The following MAGI2 variants were observed in gnomAD, a reference collection of about 807,000 sequenced individuals.
MAGI2 encodes the protein membrane-associated guanylate kinase, WW and PDZ domain-containing protein 2.
Under a neutral mutation model 133.3 loss-of-function variants are expected in MAGI2, and 35 were observed. The ratio of observed to expected loss-of-function variants is 0.26; its 90% CI spans 0.20 to 0.35. MAGI2 has a LOEUF of 0.35. Ranked by LOEUF, MAGI2 falls within the 10% of genes least tolerant of loss-of-function variation. The pLI is 1.00. For synonymous variants in MAGI2, 729 were observed against 710.6 expected (o/e 1.03, Z -0.41); for missense variants, 1,636 against 1,863.4 (o/e 0.88, Z 2.25).
chr7:78,138,625 TCACACA>T (rs202115434), intron 16 of MAGI2, among the ~76,000 whole-genome samples: 10,559 of 129,406 alleles, frequency 0.082, 513 homozygotes, highest in Non-Finnish European at 0.1. Context: ...AAACATAGAT[TCACACA>T]CACACACACA....
chr7:78,381,478 A>G (rs541874564), intron 6 of MAGI2, among the ~76,000 whole-genome samples: 1 of 152,160 alleles, frequency 6.6e-6, no homozygotes, highest in Non-Finnish European at 1.5e-5. Context: ...ACAGAAAAGA[A>G]TATCTTCTAT....
chr7:79,060,599 C>T (rs1009392273), intron 1 of MAGI2, among the ~76,000 whole-genome samples: 3 of 152,106 alleles, frequency 2.0e-5, no homozygotes, highest in Non-Finnish European at 4.4e-5. Context: ...TAAGAGGAAG[C>T]GTAAGTCAGG....
intron 21 of MAGI2, among the ~76,000 whole-genome samples, chr7:78,039,151 C>A (rs1810540645): frequency 6.6e-6 from 1 of 152,124 alleles, no homozygotes; most frequent in Admixed American, 6.6e-5. Context: ...AGCCAAGTAC[C>A]TGGCCCTTCC....
At chr7:78,355,328 A>G (rs1242175128) in intron 7 of MAGI2, among the ~76,000 whole-genome samples, 1 of 152,218 alleles carries the variant, frequency 6.6e-6, no homozygotes, top group Admixed American at 6.5e-5. Context: ...TTTAAAGTTA[A>G]TTCCAATTCA....
intron 9 of MAGI2, among the ~76,000 whole-genome samples, chr7:78,330,615 CAAAAAA>C (rs4024122): frequency 4.3e-4 from 3 of 6,936 alleles, no homozygotes; most frequent in African/African-American, 7.2e-4. Context: ...GACTCCGTCT[CAAAAAA>C]AAAAAAAAAA....
intron 1 of MAGI2, among the ~76,000 whole-genome samples, chr7:79,210,194 A>T (rs1829390276): frequency 6.6e-6 from 1 of 152,098 alleles, no homozygotes; most frequent in African/African-American, 2.4e-5. Context: ...ACAAAGAAAA[A>T]ATGGATGAGT....
At chr7:79,014,730 C>A (rs1217197326) in intron 1 of MAGI2, among the ~76,000 whole-genome samples, 1 of 151,870 alleles carries the variant, frequency 6.6e-6, no homozygotes, top group Admixed American at 6.6e-5. Flanking sequence ...GGTTAATAAA[C>A]CTCATAGGTA....
chr7:78,136,744 A>G (rs1822181073), intron 16 of MAGI2, among the ~76,000 whole-genome samples: 1 of 152,220 alleles, frequency 6.6e-6, no homozygotes, highest in Admixed American at 6.5e-5. Flanking sequence ...ACCATTCAGT[A>G]TGTTTCAGGG....
chr7:78,857,687 T>C (rs1445161452), intron 2 of MAGI2, among the ~76,000 whole-genome samples: 1 of 152,236 alleles, frequency 6.6e-6, no homozygotes, highest in African/African-American at 2.4e-5. Flanking sequence ...ACATCGATGT[T>C]CATCAGGGAT....
intron 21 of MAGI2, among the ~76,000 whole-genome samples, chr7:78,034,580 T>G (rs937205538): frequency 2.0e-5 from 3 of 152,124 alleles, no homozygotes; most frequent in Non-Finnish European, 4.4e-5. Context: ...CAGGCTGGAG[T>G]GCAGTAGCGT....
chr7:78,551,350 TG>T (rs1799317814), intron 3 of MAGI2, among the ~76,000 whole-genome samples: 3 of 152,256 alleles, frequency 2.0e-5, no homozygotes, highest in African/African-American at 7.2e-5. Flanking sequence ...TGTTTTGCTT[TG>T]TTTTGATTTT....
chr7:79,063,328 T>C (rs917623937), intron 1 of MAGI2, among the ~76,000 whole-genome samples: 1 of 152,116 alleles, frequency 6.6e-6, no homozygotes, highest in Non-Finnish European at 1.5e-5. Flanking sequence ...TTTTAAAAAA[T>C]AAAATATGCA....
intron 6 of MAGI2, among the ~76,000 whole-genome samples, chr7:78,406,813 C>T (rs1797420435): frequency 6.6e-6 from 1 of 152,036 alleles, no homozygotes; most frequent in Non-Finnish European, 1.5e-5. Flanking sequence ...ACATAAACAT[C>T]TGGAAGAGTG....
At chr7:79,127,923 A>G (rs6947714) in intron 1 of MAGI2, among the ~76,000 whole-genome samples, 3,319 of 152,246 alleles carry the variant, frequency 0.022, 122 homozygotes, top group African/African-American at 0.076. Context: ...TAGGGTTTTC[A>G]TGGTTTTAGG....
intron 1 of MAGI2, among the ~76,000 whole-genome samples, chr7:79,278,191 G>A (rs746493099): frequency 1.3e-5 from 2 of 152,106 alleles, no homozygotes; most frequent in Non-Finnish European, 2.9e-5. Context: ...GCTTAAAAGT[G>A]TGTAGCACCT....
At chr7:79,211,134 A>C (rs1353646604) in intron 1 of MAGI2, among the ~76,000 whole-genome samples, 1 of 152,116 alleles carries the variant, frequency 6.6e-6, no homozygotes, top group Non-Finnish European at 1.5e-5. Context: ...AGGTTAATAA[A>C]GAGGCATGTG....
At chr7:79,244,061 C>T (rs1255543233) in intron 1 of MAGI2, among the ~76,000 whole-genome samples, 1 of 152,176 alleles carries the variant, frequency 6.6e-6, no homozygotes, top group Non-Finnish European at 1.5e-5. Context: ...TTTCTTCTGC[C>T]TATGAGGTCT....
chr7:78,390,382 G>A (rs546294384), intron 6 of MAGI2, among the ~76,000 whole-genome samples: 2 of 152,100 alleles, frequency 1.3e-5, no homozygotes, highest in Admixed American at 6.5e-5. Context: ...CAATGCTTTC[G>A]TTCACTGGTA....
At chr7:78,415,965 A>G (rs1204645439) in intron 6 of MAGI2, among the ~76,000 whole-genome samples, 1 of 152,084 alleles carries the variant, frequency 6.6e-6, no homozygotes, top group East Asian at 1.9e-4. Context: ...TGGGAGGCAA[A>G]TCTATTGGTG....
Sources: allele counts gnomAD v4.1 joint callset (sites outside exome capture counted in the v4.1 genomes callset), GRCh38; gene constraint gnomAD v4.1.1; transcripts MANE v1.5; gene names NCBI Gene and HGNC (gene_info 2026-07-23, HGNC 2026-07-21).